The following FARS2 variants were observed in gnomAD, a reference collection of about 807,000 sequenced individuals.
FARS2 encodes phenylalanyl-tRNA synthetase 2, mitochondrial.
FARS2 carries 40 observed loss-of-function variants against 46.4 expected under a neutral mutation model. The observed-to-expected ratio is 0.86, with a 90% confidence interval of 0.67 to 1.12. The LOEUF is 1.12. FARS2 is among the 50% of genes most tolerant of loss of function. FARS2 has a pLI of 0.00. For missense variants in FARS2, 513 were observed against 567.9 expected, an observed-to-expected ratio of 0.90 and a Z score of 0.98; for synonymous variants, 234 against 214.9, an observed-to-expected ratio of 1.09 and a Z score of -0.78.
rs974828553 is a variant in FARS2 at position 5,425,389 on chromosome 6, A to T, written c.773-5652A>T. Among the ~76,000 whole-genome samples the T allele has an allele frequency of 9.8e-5, 15 of 152,300 alleles. 2 individuals carry two copies. The highest frequency in any genetic ancestry group is 3.6e-4 in the African/African-American group (15 of 41,566). On this transcript the variant is annotated intron_variant, in intron 3 of 6. Coordinates refer to ENST00000274680, the MANE Select transcript of FARS2 (RefSeq NM_006567.5). Reference sequence around the variant, plus strand: ...CAATAAATCAGGGAAATGGAACGTGATGTTTATTCAGAATGAGATCCTTAA... The same window carrying T: ...CAATAAATCAGGGAAATGGAACGTGTTGTTTATTCAGAATGAGATCCTTAA...
At chr6:5,539,085 C>T (rs985003655) in intron 4 of FARS2, among the ~76,000 whole-genome samples, 3 of 152,258 alleles carry the variant, frequency 2.0e-5, no homozygotes, top group Admixed American at 6.5e-5. Flanking sequence ...GGTGTCCCTA[C>T]TGACAGCCAC....
intron 6 of FARS2, among the ~76,000 whole-genome samples, chr6:5,708,390 C>T (rs1412036592): frequency 6.6e-6 from 1 of 152,152 alleles, no homozygotes; most frequent in Non-Finnish European, 1.5e-5. Flanking sequence ...ACACATTACT[C>T]AGGAAGTCCT....
intron 5 of FARS2, chr6:5,609,266 G>T: frequency 9.1e-7 from 1 of 1,093,096 alleles, no homozygotes; most frequent in Non-Finnish European, 1.4e-6. Context: ...TGCTGCTACT[G>T]GAACTGCCCT....
chr6:5,426,718 C>T (rs1243661317), intron 3 of FARS2, among the ~76,000 whole-genome samples: 1 of 152,190 alleles, frequency 6.6e-6, no homozygotes, highest in Non-Finnish European at 1.5e-5. Flanking sequence ...CTCCACCTCC[C>T]AGGTTCAAGC....
At chr6:5,307,991 AT>A (rs1297333061) in intron 1 of FARS2, among the ~76,000 whole-genome samples, 1 of 151,984 alleles carries the variant, frequency 6.6e-6, no homozygotes, top group African/African-American at 2.4e-5. Context: ...ATTGGCAACT[AT>A]TTGCAATTTA....
chr6:5,641,728 T>C (rs918652604), intron 6 of FARS2, among the ~76,000 whole-genome samples: 2 of 152,248 alleles, frequency 1.3e-5, no homozygotes, highest in African/African-American at 2.4e-5. Context: ...CAAATTGTTA[T>C]TGATAAGTTA....
At chr6:5,409,878 T>C (rs1330132032) in intron 3 of FARS2, among the ~76,000 whole-genome samples, 1 of 152,128 alleles carries the variant, frequency 6.6e-6, no homozygotes, top group Non-Finnish European at 1.5e-5. Flanking sequence ...CCACGAGCTG[T>C]TGTTGTAGAG....
In FARS2 at chr6:5,678,092, C is replaced by T. The variant is rs116393537; in HGVS notation, c.1217+64772C>T. On this transcript the variant is annotated intron_variant, in intron 6 of 6. Transcript: ENST00000274680. ...CAAAACGAAGAGCCTGGGAAGCAGT[C>T]GTAGAAAGGGGGAACTCAGTGAGAA... 7.3e-3 allele frequency among the ~76,000 whole-genome samples: 1,117 copies of T among 152,172 alleles called. 17 individuals carry two copies. The highest frequency in any genetic ancestry group is 0.026 in the African/African-American group (1,063 of 41,504).
chr6:5,532,803 A>G (rs1344853022), intron 4 of FARS2, among the ~76,000 whole-genome samples: 1 of 152,030 alleles, frequency 6.6e-6, no homozygotes, highest in East Asian at 1.9e-4. Context: ...AAGAAGAAGA[A>G]GAAGAAGAAT....
intron 3 of FARS2, among the ~76,000 whole-genome samples, chr6:5,407,458 T>C (rs1761681155): frequency 1.3e-5 from 2 of 152,182 alleles, no homozygotes; most frequent in Non-Finnish European, 2.9e-5. Context: ...ATGTAATATA[T>C]AAGAAACCAC....
intron 1 of FARS2, among the ~76,000 whole-genome samples, chr6:5,294,277 C>T (rs1767702721): frequency 6.6e-6 from 1 of 151,976 alleles, no homozygotes; most frequent in South Asian, 2.1e-4. Context: ...GAAGCCAGGA[C>T]CAGTGTTTAG....
intron 3 of FARS2, among the ~76,000 whole-genome samples, chr6:5,410,299 G>C (rs758589266): frequency 1.4e-4 from 22 of 151,968 alleles, no homozygotes; most frequent in South Asian, 2.1e-4. Context: ...GATTACAGGC[G>C]TGCGCCACCA....
chr6:5,675,627 A>G (rs1469905726), intron 6 of FARS2, among the ~76,000 whole-genome samples: 1 of 152,204 alleles, frequency 6.6e-6, no homozygotes, highest in East Asian at 1.9e-4. Flanking sequence ...TGTCTTTGAG[A>G]TTTGTGTCTC....
intron 2 of FARS2, among the ~76,000 whole-genome samples, chr6:5,392,952 A>G (rs982910595): frequency 1.7e-5 from 2 of 115,458 alleles, no homozygotes; most frequent in African/African-American, 6.0e-5. Context: ...ATATATATAT[A>G]CACATAAAAT....
intron 1 of FARS2, among the ~76,000 whole-genome samples, chr6:5,279,776 A>G (rs993740227): frequency 6.6e-6 from 1 of 152,048 alleles, no homozygotes; most frequent in African/African-American, 2.4e-5. Context: ...AAAGACAGGC[A>G]AAGAGAGAAT....
intron 6 of FARS2, among the ~76,000 whole-genome samples, chr6:5,748,877 G>T (rs988408636): frequency 1.3e-5 from 2 of 152,264 alleles, no homozygotes; most frequent in African/African-American, 4.8e-5. Flanking sequence ...TTGATGTTTT[G>T]AGGGGGACCT....
chr6:5,263,770 G>T (rs1413077081), intron 1 of FARS2, among the ~76,000 whole-genome samples: 1 of 152,028 alleles, frequency 6.6e-6, no homozygotes, highest in Non-Finnish European at 1.5e-5. Context: ...TTAAAATTAG[G>T]GTTGTTAATG....
intron 1 of FARS2, among the ~76,000 whole-genome samples, chr6:5,302,918 GAC>G (rs1279601125): frequency 1.3e-5 from 2 of 152,186 alleles, no homozygotes; most frequent in Non-Finnish European, 2.9e-5. Context: ...GGAGGAAGAA[GAC>G]ACACAGGGTG....
intron 6 of FARS2, among the ~76,000 whole-genome samples, chr6:5,703,011 G>A (rs1758536019): frequency 6.6e-6 from 1 of 152,088 alleles, no homozygotes; most frequent in South Asian, 2.1e-4. Flanking sequence ...TCAGTGTTAC[G>A]GGATCCTTCT....
Sources: allele counts gnomAD v4.1 joint callset (sites outside exome capture counted in the v4.1 genomes callset), GRCh38; gene constraint gnomAD v4.1.1; transcripts MANE v1.5; gene names NCBI Gene and HGNC (gene_info 2026-07-23, HGNC 2026-07-21).